CCDC178: variants seen among roughly 807,000 people sequenced by gnomAD.
The protein encoded by CCDC178 is coiled-coil domain-containing protein 178.
In CCDC178, 126 loss-of-function variants were observed where a neutral mutation model predicts 117.4. That is an observed-to-expected ratio of 1.07 (90% CI 0.93 to 1.24). CCDC178 has a LOEUF of 1.24. CCDC178 is among the 50% of genes most tolerant of loss of function. The probability of loss-of-function intolerance (pLI) is 0.00; values close to 1 mark genes in which losing one functional copy is unlikely to be tolerated. For missense variants in CCDC178, 1,030 were observed against 986.9 expected (o/e 1.04, Z -0.59); for synonymous variants, 283 against 313.4 (o/e 0.90, Z 1.02).
At chr18:33,191,713 A>T (rs2058860322) in intron 20 of CCDC178, among the ~76,000 whole-genome samples, 1 of 152,134 alleles carries the variant, frequency 6.6e-6, no homozygotes, top group African/African-American at 2.4e-5. Context: ...ATGCCTTGTC[A>T]TCTGTACTTC....
intron 22 of CCDC178, among the ~76,000 whole-genome samples, chr18:32,958,475 C>T (rs1313756245): frequency 1.3e-5 from 2 of 152,160 alleles, no homozygotes; most frequent in Non-Finnish European, 2.9e-5. Flanking sequence ...ATATGTCTAT[C>T]AACACATTTA....
chr18:32,961,646 C>T (rs886815631), intron 22 of CCDC178, among the ~76,000 whole-genome samples: 7 of 152,112 alleles, frequency 4.6e-5, no homozygotes, highest in Admixed American at 4.6e-4. Context: ...TTCATATCAT[C>T]AGGCATTCGA....
intron 20 of CCDC178, among the ~76,000 whole-genome samples, chr18:33,173,097 T>C (rs767178805): frequency 5.9e-5 from 9 of 152,162 alleles, no homozygotes; most frequent in Non-Finnish European, 1.3e-4. Context: ...TTGACCAGGC[T>C]GGATTGCAGT....
chr18:33,386,486 C>T (rs1156303676), intron 5 of CCDC178, among the ~76,000 whole-genome samples: 2 of 152,114 alleles, frequency 1.3e-5, no homozygotes, highest in Non-Finnish European at 2.9e-5. Context: ...AAAATACTGT[C>T]AAACCAAATA....
chr18:33,217,880 G>A (rs2059185172), intron 18 of CCDC178, among the ~76,000 whole-genome samples: 1 of 151,946 alleles, frequency 6.6e-6, no homozygotes, highest in African/African-American at 2.4e-5. Flanking sequence ...TACCACTAAT[G>A]AGTTATGTGA....
chr18:33,147,098 C>T (rs1261214208), intron 20 of CCDC178, among the ~76,000 whole-genome samples: 1 of 151,290 alleles, frequency 6.6e-6, no homozygotes, highest in Non-Finnish European at 1.5e-5. Flanking sequence ...GAACACAACA[C>T]TAATCCCAGA....
At chr18:33,321,059 C>G (rs1374696082) in intron 11 of CCDC178, among the ~76,000 whole-genome samples, 1 of 152,176 alleles carries the variant, frequency 6.6e-6, no homozygotes, top group East Asian at 1.9e-4. Flanking sequence ...GAAACTGGAT[C>G]CCTTCCTTAC....
At chr18:33,145,482 T>G (rs998122999) in intron 20 of CCDC178, among the ~76,000 whole-genome samples, 3 of 152,188 alleles carry the variant, frequency 2.0e-5, no homozygotes, top group Non-Finnish European at 2.9e-5. Context: ...ATAGTACACT[T>G]GAAATGTTAT....
At chr18:33,154,400 G>A (rs2058371202) in intron 20 of CCDC178, among the ~76,000 whole-genome samples, 1 of 152,102 alleles carries the variant, frequency 6.6e-6, no homozygotes, top group African/African-American at 2.4e-5. Context: ...CTGACTCCAA[G>A]GTGATCTGGG....
intron 21 of CCDC178, among the ~76,000 whole-genome samples, chr18:33,044,047 A>ATGTGTG (rs374505982): frequency 2.7e-5 from 4 of 146,026 alleles, no homozygotes; most frequent in Non-Finnish European, 6.1e-5. Flanking sequence ...ACACCAGCAT[A>ATGTGTG]TGTGTGTGTG....
chr18:33,344,310 C>CAAAAAAAAAAAAA (rs58987470), intron 9 of CCDC178, among the ~76,000 whole-genome samples: 2 of 80,808 alleles, frequency 2.5e-5, no homozygotes, highest in Non-Finnish European at 4.9e-5. Context: ...GACTCCGTCT[C>CAAAAAAAAAAAAA]AAAAAAAAAA....
intron 17 of CCDC178, 87 bp from the exon 18 acceptor site, chr18:33,223,306 A>C (rs1568068365): frequency 7.5e-7 from 1 of 1,340,432 alleles, no homozygotes; most frequent in Non-Finnish European, 9.8e-7. Flanking sequence ...TGACTATTTT[A>C]ATAACAACAG....
intron 2 of CCDC178, among the ~76,000 whole-genome samples, chr18:33,415,977 G>A (rs762887549): frequency 2.2e-4 from 34 of 152,186 alleles, no homozygotes; most frequent in Admixed American, 5.9e-4. Context: ...ACTTGAAGTA[G>A]AAGAGACCAG....
intron 2 of CCDC178, among the ~76,000 whole-genome samples, chr18:33,439,679 G>T (rs984347761): frequency 6.6e-6 from 1 of 152,172 alleles, no homozygotes. Flanking sequence ...GCAGGACCAA[G>T]AAACAATATT....
intron 15 of CCDC178, among the ~76,000 whole-genome samples, chr18:33,242,651 GA>G (rs1481954634): frequency 6.7e-6 from 1 of 150,244 alleles, no homozygotes; most frequent in African/African-American, 2.4e-5. Flanking sequence ...ACAAATACAA[GA>G]AAAAAAGTTC....
chr18:33,082,500 A>G (rs1035446539), intron 21 of CCDC178, among the ~76,000 whole-genome samples: 1 of 152,194 alleles, frequency 6.6e-6, no homozygotes, highest in South Asian at 2.1e-4. Flanking sequence ...CTTAGAGCAT[A>G]GCATGCAAAA....
chr18:33,182,635 G>A (rs2058744798), intron 20 of CCDC178, among the ~76,000 whole-genome samples: 2 of 151,932 alleles, frequency 1.3e-5, no homozygotes, highest in East Asian at 3.9e-4. Flanking sequence ...TCAAAGGAAT[G>A]TATGCATAGT....
At chr18:33,427,666 A>G (rs974599205) in intron 2 of CCDC178, among the ~76,000 whole-genome samples, 4 of 152,180 alleles carry the variant, frequency 2.6e-5, no homozygotes, top group African/African-American at 9.6e-5. Flanking sequence ...GAAAGATTAA[A>G]TATCATTTTT....
rs150663010 is a variant in CCDC178 at position 32,939,091 on chromosome 18, T to C, written c.2524-1000A>G. Among the ~76,000 whole-genome samples the C allele has an allele frequency of 2.6e-3, 397 of 152,180 alleles. 1 individual carries two copies. The highest frequency in any genetic ancestry group is 9.3e-3 in the African/African-American group (385 of 41,550). ...AGAAGTGAAATAATCCCTTAAAAGGTCCAGCTCTGGATGTCTGGATGTCAC... is the reference window on the plus strand; with the variant it reads ...AGAAGTGAAATAATCCCTTAAAAGGCCCAGCTCTGGATGTCTGGATGTCAC... On this transcript the variant is annotated intron_variant, in intron 22 of 22. Transcript: ENST00000383096.
Sources: gnomAD v4.1 joint callset for allele counts (sites outside exome capture counted in the v4.1 genomes callset) on GRCh38, gnomAD v4.1.1 for gene constraint, MANE v1.5 for transcripts, NCBI Gene and HGNC (gene_info 2026-07-23, HGNC 2026-07-21) for gene names.